The following SLF1 variants were observed in gnomAD, a reference collection of about 807,000 sequenced individuals.
The protein encoded by SLF1 is SMC5/6 complex localization factor 1, also known as SMC5-SMC6 complex localization factor protein 1.
In SLF1, 105 loss-of-function variants were observed where a neutral mutation model predicts 123.0. The observed-to-expected ratio is 0.85, with a 90% CI of 0.73 to 1.00. SLF1 has a LOEUF of 1.00. Among genes scored for constraint, SLF1 ranks in the 50% least tolerant of loss-of-function variants. The pLI, the probability that SLF1 is intolerant of heterozygous loss-of-function variation, is 0.00. For synonymous variants in SLF1, 434 were observed against 406.6 expected (o/e 1.07, Z -0.81); for missense variants, 1,239 against 1,223.0 (o/e 1.01, Z -0.20).
At chr5:94,635,569 T>TC (rs1745678774) in intron 4 of SLF1, among the ~76,000 whole-genome samples, 1 of 151,964 alleles carries the variant, frequency 6.6e-6, no homozygotes, top group African/African-American at 2.4e-5. Flanking sequence ...TTGCATTGAT[T>TC]CCCTTCTACT....
chr5:94,639,301 A>C (rs1400082446), intron 4 of SLF1, among the ~76,000 whole-genome samples: 1 of 152,172 alleles, frequency 6.6e-6, no homozygotes, highest in African/African-American at 2.4e-5. Flanking sequence ...TGGCCTCCCA[A>C]AGTGCTGGGA....
intron 17 of SLF1, 39 bp from the exon 18 acceptor site, chr5:94,689,434 G>GA: frequency 1.3e-6 from 2 of 1,589,342 alleles, no homozygotes; most frequent in Middle Eastern, 1.7e-4. Context: ...ACGCCTTGCT[G>GA]AAAAACAAGC....
chr5:94,621,883 TACACAC>T (rs145332421), intron 1 of SLF1, among the ~76,000 whole-genome samples: 219 of 150,388 alleles, frequency 1.5e-3, no homozygotes, highest in African/African-American at 4.5e-3. Flanking sequence ...TTAATATTTA[TACACAC>T]ACACACACAC....
chr5:94,648,729 C>T (rs535045767), intron 5 of SLF1, among the ~76,000 whole-genome samples: 1 of 152,332 alleles, frequency 6.6e-6, no homozygotes, highest in South Asian at 2.1e-4. Flanking sequence ...ATCCACCCGC[C>T]TTGGCTTCCC....
In SLF1 at chr5:94,661,387, C is replaced by A. The variant is rs1176074361; in HGVS notation, c.1156-911C>A. 5.9e-5 allele frequency among the ~76,000 whole-genome samples: 9 copies of A among 152,214 alleles called. No homozygotes were observed. The East Asian group carries it at 1.7e-3, about 29-fold the overall frequency. The stretch of plus-strand genomic sequence containing the variant: ...CTTTGCTTGCCTCAGAGATTCCCTG[C>A]CACTTTTAAATTGTAATGTTCTCTC... On this transcript the variant is annotated intron_variant, in intron 9 of 20. Coordinates refer to ENST00000265140, the MANE Select transcript of SLF1 (RefSeq NM_032290.4).
Position 94,654,673 on chromosome 5 carries a change from C to A in SLF1, c.1076C>A (p.Ser359Ter). The change falls in exon 9 of 21, where the codon TCA becomes TAA. Residue 359 changes from serine to a stop codon, truncating the protein, a stop_gained. Transcript: ENST00000265140. LOFTEE classifies it high-confidence loss of function. ...NSIFAEYAKE[S>*]KAMAIKTDVD... ...ATTTTTGCTGAATATGCCAAAGAAT[C>A]AAAAGCCATGGCTATTAAGACAGAT... 2 of 1,544,310 alleles carry A rather than the reference C, an allele frequency of 1.3e-6. No homozygotes were observed. The highest frequency in any genetic ancestry group is 2.4e-5 in the South Asian group (2 of 82,958).
At chr5:94,665,688 G>A (rs1585183812) in intron 11 of SLF1, among the ~76,000 whole-genome samples, 173 bp from the exon 12 acceptor site, 1 of 152,314 alleles carries the variant, frequency 6.6e-6, no homozygotes, top group East Asian at 1.9e-4. Flanking sequence ...AGGAGGCGGA[G>A]GTTGAGGTAA....
chr5:94,645,056 G>T (rs1468405199), intron 5 of SLF1, among the ~76,000 whole-genome samples: 1 of 152,178 alleles, frequency 6.6e-6, no homozygotes, highest in Non-Finnish European at 1.5e-5. Flanking sequence ...GAATAGGTCT[G>T]CTTGGACTAT....
At chr5:94,660,496 G>C (rs1047169543) in intron 9 of SLF1, among the ~76,000 whole-genome samples, 1 of 152,158 alleles carries the variant, frequency 6.6e-6, no homozygotes, top group Admixed American at 6.5e-5. Flanking sequence ...AGTCGGAGTA[G>C]GGTAGGCCTT....
chr5:94,693,644 C>T (rs1394076572), intron 20 of SLF1, among the ~76,000 whole-genome samples: 1 of 151,828 alleles, frequency 6.6e-6, no homozygotes, highest in East Asian at 1.9e-4. Flanking sequence ...GAAGTAACTG[C>T]ATTATCTATT....
chr5:94,694,404 G>GT (rs1753361639), intron 20 of SLF1, among the ~76,000 whole-genome samples: 1 of 151,754 alleles, frequency 6.6e-6, no homozygotes, highest in Non-Finnish European at 1.5e-5. Context: ...TGCTAGAATT[G>GT]TTTATTAGCA....
At chr5:94,659,140 AT>A (rs1224419579) in intron 9 of SLF1, among the ~76,000 whole-genome samples, 1 of 143,950 alleles carries the variant, frequency 6.9e-6, no homozygotes, top group Non-Finnish European at 1.5e-5. Context: ...TCTGTTATAT[AT>A]TTTTTTTCAT....
In SLF1 at chr5:94,623,847, TATAA is replaced by T. The variant is rs889374227; in HGVS notation, c.1-4957_1-4954del. 1.2e-3 allele frequency among the ~76,000 whole-genome samples: 184 copies of T among 152,304 alleles called. 2 individuals are homozygous for T. The highest frequency in any genetic ancestry group is 4.3e-3 in the African/African-American group (179 of 41,584). On this transcript the variant is annotated intron_variant, in intron 1 of 20. Coordinates refer to ENST00000265140, the MANE Select transcript of SLF1 (RefSeq NM_032290.4). ...GAAAGAACCATCAAACCATGAATTTTATAAATAAATCAATCAGTATATCTATACA... is the reference window on the plus strand; with the variant it reads ...GAAAGAACCATCAAACCATGAATTTTATAAATCAATCAGTATATCTATACA...
Position 94,668,412 on chromosome 5 carries a change from C to T in SLF1, c.1533-1739C>T, listed in dbSNP as rs548371535. Among the ~76,000 whole-genome samples the T allele has an allele frequency of 4.6e-4, 70 of 152,236 alleles. 1 individual carries two copies. The highest frequency in any genetic ancestry group is 1.4e-3 in the African/African-American group (60 of 41,538). ...GCAGTGGTGCGATCTCGGCTCACTG[C>T]AACCTCCGCCTCGCAGGATCAAGCG... On this transcript the variant is annotated intron_variant, in intron 12 of 20. Transcript: ENST00000265140.
intron 4 of SLF1, among the ~76,000 whole-genome samples, chr5:94,632,530 T>C (rs1745322553): frequency 6.6e-6 from 1 of 152,216 alleles, no homozygotes; most frequent in Non-Finnish European, 1.5e-5. Flanking sequence ...CTTTAATGTC[T>C]TATAGTTCTC....
chr5:94,689,658 T>G (rs753034482), intron 18 of SLF1, 52 bp downstream of exon 18: 9 of 1,529,444 alleles, frequency 5.9e-6, no homozygotes, highest in Non-Finnish European at 8.0e-6. Flanking sequence ...ATGGTTATAG[T>G]CAGTACTTGC....
chr5:94,670,727 A>T, intron 13 of SLF1, 116 bp from the exon 14 acceptor site: 1 of 722,338 alleles, frequency 1.4e-6, no homozygotes, highest in Non-Finnish European at 2.2e-6. Flanking sequence ...TATAATCTTT[A>T]TATTTTATGA....
intron 9 of SLF1, 134 bp downstream of exon 9, chr5:94,654,886 T>G (rs1748193911): frequency 1.6e-6 from 1 of 642,094 alleles, no homozygotes; most frequent in Non-Finnish European, 2.2e-6. Flanking sequence ...TTTCTTAGTT[T>G]ATTAGTCTAT....
chr5:94,618,905 G>A (rs1237515706), intron 1 of SLF1, 140 bp downstream of exon 1: 1 of 153,930 alleles, frequency 6.5e-6, no homozygotes, highest in African/African-American at 2.4e-5. Context: ...AGCGGTGTCT[G>A]GCTCTCGCGC....
Sources: allele counts gnomAD v4.1 joint callset (sites outside exome capture counted in the v4.1 genomes callset), GRCh38; gene constraint gnomAD v4.1.1; transcripts MANE v1.5; gene names NCBI Gene and HGNC (gene_info 2026-07-23, HGNC 2026-07-21).